The following OCA2 variants were observed in gnomAD, a reference collection of about 807,000 sequenced individuals.
The protein encoded by OCA2 is P protein.
Under a neutral mutation model 100.2 loss-of-function variants are expected in OCA2, and 77 were observed. The ratio of observed to expected loss-of-function variants is 0.77; its 90% confidence interval spans 0.64 to 0.93. The LOEUF is 0.93. Among genes scored for constraint, OCA2 ranks in the 40% least tolerant of loss-of-function variants. The pLI is 0.00. For missense variants in OCA2, 1,062 were observed against 1,089.1 expected (o/e 0.98, Z 0.35); for synonymous variants, 432 against 439.2 (o/e 0.98, Z 0.21).
intron 23 of OCA2, among the ~76,000 whole-genome samples, chr15:27,808,216 G>A (rs2151205707): frequency 6.6e-6 from 1 of 152,348 alleles, no homozygotes; most frequent in Middle Eastern, 3.4e-3. Context: ...TTTGTGGGAG[G>A]AAGTGGAAGA....
intron 14 of OCA2, among the ~76,000 whole-genome samples, chr15:27,971,761 C>A (rs2140883551): frequency 6.6e-6 from 1 of 152,292 alleles, no homozygotes; most frequent in East Asian, 1.9e-4. Flanking sequence ...CTTTACTGTT[C>A]CAAACTCTAG....
Position 27,882,861 on chromosome 15 carries a change from G to A in OCA2, c.2080-10939C>T, listed in dbSNP as rs187591594. ...GTGCAGATGGTTCAAATCTCAGTTCGGTTCTCTAAGCCTTGCCATCTTGCT... is the reference window on the plus strand; with the variant it reads ...GTGCAGATGGTTCAAATCTCAGTTCAGTTCTCTAAGCCTTGCCATCTTGCT... On this transcript the variant is annotated intron_variant, in intron 19 of 23. Transcript: ENST00000354638. Among the ~76,000 whole-genome samples the A allele has an allele frequency of 3.3e-5, 5 of 152,200 alleles. No homozygotes were observed. The East Asian group carries it at 5.8e-4, about 18-fold the overall frequency.
intron 9 of OCA2, among the ~76,000 whole-genome samples, chr15:28,003,498 G>T (rs1464306092): frequency 6.6e-6 from 1 of 152,230 alleles, no homozygotes; most frequent in Non-Finnish European, 1.5e-5. Context: ...GCCAGGAGAT[G>T]TTACTCTGTT....
intron 23 of OCA2, among the ~76,000 whole-genome samples, chr15:27,828,652 C>T (rs1275455799): frequency 2.6e-5 from 4 of 152,130 alleles, no homozygotes. Flanking sequence ...GCTGACCCAA[C>T]CTCCGAAAAT....
intron 19 of OCA2, among the ~76,000 whole-genome samples, chr15:27,908,634 C>T (rs1270505201): frequency 2.0e-5 from 3 of 152,014 alleles, no homozygotes; most frequent in Non-Finnish European, 4.4e-5. Context: ...GTGGAGTCCA[C>T]GTGAGTACAG....
Position 27,871,843 on chromosome 15 carries a change from T to C in OCA2, c.2139+20A>G. ...AAAGAACAGTGGCTGGAGTGCCTTC[T>C]ATTATAGCATTTATTTTACCTTTAT... is the stretch of plus-strand genomic sequence containing the variant. On this transcript the variant is annotated intron_variant, in intron 20 of 23. Coordinates refer to ENST00000354638, the MANE Select transcript of OCA2 (RefSeq NM_000275.3). 1 of 1,515,594 alleles carries C rather than the reference T, an allele frequency of 6.6e-7. No individual in the cohort carries two copies. The highest frequency in any genetic ancestry group is 9.2e-7 in the Non-Finnish European group (1 of 1,091,376). The allele number at this position is 1,515,594 out of a possible 1,614,324, so 93.9% of individuals were successfully genotyped here.
intron 23 of OCA2, among the ~76,000 whole-genome samples, chr15:27,804,790 G>C (rs2033757907): frequency 6.6e-6 from 1 of 152,222 alleles, no homozygotes; most frequent in Non-Finnish European, 1.5e-5. Flanking sequence ...CAGCGCCTTG[G>C]GAACCACCAG....
At chr15:27,783,430 TA>T (rs1405311992) in intron 23 of OCA2, among the ~76,000 whole-genome samples, 1 of 151,946 alleles carries the variant, frequency 6.6e-6, no homozygotes, top group Non-Finnish European at 1.5e-5. Context: ...AATTTTGTAA[TA>T]AAAAAAAGTC....
intron 18 of OCA2, chr15:27,950,432 C>A: frequency 2.4e-6 from 1 of 415,460 alleles, no homozygotes; most frequent in Non-Finnish European, 4.8e-6. Context: ...AGATGTAATC[C>A]ACCAAATACA....
At chr15:27,825,374 G>A (rs2034679050) in intron 23 of OCA2, among the ~76,000 whole-genome samples, 1 of 152,192 alleles carries the variant, frequency 6.6e-6, no homozygotes, top group African/African-American at 2.4e-5. Context: ...ACTCAGCAGG[G>A]ACAGCAGAAA....
chr15:27,797,814 A>T (rs1458160093), intron 23 of OCA2, among the ~76,000 whole-genome samples: 1 of 152,106 alleles, frequency 6.6e-6, no homozygotes, highest in African/African-American at 2.4e-5. Flanking sequence ...ACACAGGAGC[A>T]CCCTGGGGGC....
intron 2 of OCA2, among the ~76,000 whole-genome samples, chr15:28,053,455 T>C (rs2043581061): frequency 6.6e-6 from 1 of 152,164 alleles, no homozygotes; most frequent in African/African-American, 2.4e-5. Context: ...CTGTGCCAGA[T>C]ATTAGGCCCT....
chr15:27,763,719 T>C (rs1255105943), intron 23 of OCA2, among the ~76,000 whole-genome samples: 1 of 152,170 alleles, frequency 6.6e-6, no homozygotes, highest in Admixed American at 6.5e-5. Flanking sequence ...GAAGCAGGGC[T>C]GCTGGGCTGG....
At chr15:27,742,917 C>T in the OCA2 span, among the ~76,000 whole-genome samples, 1 of 152,176 alleles carries the variant, frequency 6.6e-6, no homozygotes, top group East Asian at 1.9e-4. Context: ...CCCCTGGAGG[C>T]CAAAAGCCAT....
At chr15:28,073,115 TA>T (rs1381175722) in intron 2 of OCA2, among the ~76,000 whole-genome samples, 1 of 152,044 alleles carries the variant, frequency 6.6e-6, no homozygotes, top group Non-Finnish European at 1.5e-5. Flanking sequence ...TATGCAGCCA[TA>T]AAAAAGAGTA....
chr15:27,858,728 G>T (rs1293061906), intron 21 of OCA2, among the ~76,000 whole-genome samples: 1 of 151,968 alleles, frequency 6.6e-6, no homozygotes, highest in African/African-American at 2.4e-5. Flanking sequence ...CATAATTGAA[G>T]GAGAAATAGA....
the OCA2 span, among the ~76,000 whole-genome samples, chr15:27,723,706 C>T: frequency 2.0e-5 from 3 of 152,176 alleles, no homozygotes; most frequent in Non-Finnish European, 4.4e-5. Flanking sequence ...TAGTCCCCTC[C>T]CTCATTAGTC....
intron 23 of OCA2, among the ~76,000 whole-genome samples, chr15:27,820,959 A>C (rs991405214): frequency 1.3e-5 from 2 of 152,180 alleles, no homozygotes; most frequent in African/African-American, 4.8e-5. Context: ...GTCGGGCAGC[A>C]CAAGAGAGAG....
chr15:27,766,709 G>A (rs752920456), intron 23 of OCA2, among the ~76,000 whole-genome samples: 10 of 152,206 alleles, frequency 6.6e-5, no homozygotes, highest in Non-Finnish European at 8.8e-5. Context: ...AGGCAGCCTC[G>A]CCTTTTCCCT....
Sources: allele counts gnomAD v4.1 joint callset (sites outside exome capture counted in the v4.1 genomes callset), GRCh38; gene constraint gnomAD v4.1.1; transcripts MANE v1.5; gene names NCBI Gene and HGNC (gene_info 2026-07-23, HGNC 2026-07-21).